The following C12orf42 variants were observed in gnomAD, a reference collection of about 807,000 sequenced individuals.
C12orf42 encodes uncharacterized protein C12orf42.
A neutral mutation model predicts 21.6 loss-of-function variants in C12orf42; 25 were observed. That is an observed-to-expected ratio of 1.16 (90% confidence interval 0.84 to 1.62). The LOEUF (loss-of-function observed/expected upper bound fraction) is 1.62. Among genes scored for constraint, C12orf42 ranks in the 40% most tolerant of loss-of-function variants. The pLI is 0.00. For missense variants in C12orf42, 483 were observed against 459.3 expected (o/e 1.05, Z -0.47); for synonymous variants, 174 against 175.0 (o/e 0.99, Z 0.05).
chr12:103,220,592 G>A, the C12orf42 span, among the ~76,000 whole-genome samples: 2 of 152,190 alleles, frequency 1.3e-5, no homozygotes, highest in Non-Finnish European at 2.9e-5. Context: ...CAAAATGCCA[G>A]TTATCCTAAA....
At chr12:103,381,325 T>C (rs1374280294) in intron 3 of C12orf42, among the ~76,000 whole-genome samples, 1 of 152,200 alleles carries the variant, frequency 6.6e-6, no homozygotes, top group Non-Finnish European at 1.5e-5. Flanking sequence ...ATTGACAGGT[T>C]AATGCAATTG....
chr12:103,469,598 G>A (rs1019127733), intron 2 of C12orf42, among the ~76,000 whole-genome samples: 1 of 152,094 alleles, frequency 6.6e-6, no homozygotes, highest in African/African-American at 2.4e-5. Context: ...TTCCATTATT[G>A]CATAACTATA....
the C12orf42 span, among the ~76,000 whole-genome samples, chr12:103,518,708 C>T: frequency 6.6e-6 from 1 of 152,010 alleles, no homozygotes; most frequent in African/African-American, 2.4e-5. Flanking sequence ...TGACAAAAAC[C>T]CTCTATGAAT....
At chr12:103,293,023 A>G (rs2036922893) in intron 4 of C12orf42, among the ~76,000 whole-genome samples, 1 of 152,108 alleles carries the variant, frequency 6.6e-6, no homozygotes, top group South Asian at 2.1e-4. Context: ...TCAATGAAAA[A>G]TTGATTCATT....
chr12:103,164,632 T>C, the C12orf42 span: 2 of 434,512 alleles, frequency 4.6e-6, no homozygotes, highest in East Asian at 1.4e-4. Flanking sequence ...CTTATACTAA[T>C]ATTTTTAAGT....
the C12orf42 span, among the ~76,000 whole-genome samples, chr12:103,130,064 A>G: frequency 6.6e-6 from 1 of 152,032 alleles, no homozygotes; most frequent in East Asian, 1.9e-4. Context: ...GTTCATTTCC[A>G]GAAATATGTT....
At chr12:103,403,362 C>T (rs1486744087) in intron 2 of C12orf42, among the ~76,000 whole-genome samples, 10 of 143,522 alleles carry the variant, frequency 7.0e-5, no homozygotes, top group Admixed American at 4.3e-4. Flanking sequence ...GGCAACAGAG[C>T]GAGACTCCGT....
At chr12:103,232,302 A>G in the C12orf42 span, among the ~76,000 whole-genome samples, 1 of 152,042 alleles carries the variant, frequency 6.6e-6, no homozygotes, top group South Asian at 2.1e-4. Context: ...GAATTTTTTT[A>G]TATTAATCAA....
chr12:103,548,021 A>G, the C12orf42 span: 2 of 152,242 alleles, frequency 1.3e-5, no homozygotes, highest in South Asian at 2.1e-4. Flanking sequence ...TTGTTCAAAC[A>G]GTTTATATGT....
At chr12:103,136,526 A>G in the C12orf42 span, among the ~76,000 whole-genome samples, 3 of 152,212 alleles carry the variant, frequency 2.0e-5, no homozygotes, top group African/African-American at 7.2e-5. Flanking sequence ...ACAGAAATAG[A>G]AAAACAGTCC....
At chr12:103,470,757 T>C (rs1449719864) in intron 2 of C12orf42, among the ~76,000 whole-genome samples, 1 of 152,204 alleles carries the variant, frequency 6.6e-6, no homozygotes. Flanking sequence ...GAGGCCATTA[T>C]GAGGAAGTTC....
the C12orf42 span, chr12:103,159,533 T>C: frequency 1.3e-5 from 2 of 152,218 alleles, no homozygotes; most frequent in Non-Finnish European, 2.9e-5. Flanking sequence ...CCTGAATCCA[T>C]AGACTACTTG....
At chr12:103,428,540 A>G (rs900047204) in intron 2 of C12orf42, among the ~76,000 whole-genome samples, 2 of 152,210 alleles carry the variant, frequency 1.3e-5, no homozygotes, top group African/African-American at 2.4e-5. Context: ...TACAAGAGGT[A>G]CAAGGAGGAG....
chr12:103,561,352 TAACA>T, the C12orf42 span, among the ~76,000 whole-genome samples: 1 of 152,178 alleles, frequency 6.6e-6, no homozygotes, highest in African/African-American at 2.4e-5. Flanking sequence ...GTAGCTTAAA[TAACA>T]AACATTCCTT....
At chr12:103,526,702 T>C in the C12orf42 span, among the ~76,000 whole-genome samples, 7 of 152,136 alleles carry the variant, frequency 4.6e-5, no homozygotes, top group African/African-American at 1.7e-4. Flanking sequence ...TCCCTCTCCA[T>C]GTGCACAGAA....
the C12orf42 span, among the ~76,000 whole-genome samples, chr12:103,099,827 G>A: frequency 2.0e-5 from 3 of 151,410 alleles, no homozygotes; most frequent in Non-Finnish European, 3.0e-5. Context: ...ACGTTTTATA[G>A]ACAACTTTCA....
intron 1 of C12orf42, among the ~76,000 whole-genome samples, chr12:103,492,437 C>A (rs1955244219): frequency 6.6e-6 from 1 of 152,214 alleles, no homozygotes; most frequent in Admixed American, 6.5e-5. Flanking sequence ...AGTCACATGG[C>A]ATATCTTCTT....
At chr12:103,445,300 T>C (rs910466826) in intron 2 of C12orf42, among the ~76,000 whole-genome samples, 3 of 152,108 alleles carry the variant, frequency 2.0e-5, no homozygotes, top group African/African-American at 7.2e-5. Flanking sequence ...TCTGTGTTGA[T>C]TGTTGTGGTG....
intron 5 of C12orf42, chr12:103,270,345 T>G (rs1466952058): frequency 4.4e-4 from 40 of 90,830 alleles, no homozygotes; most frequent in Admixed American, 8.0e-4. Flanking sequence ...GGGAAGGAAG[T>G]AAGGAGGGAA....
Sources: allele counts gnomAD v4.1 joint callset (sites outside exome capture counted in the v4.1 genomes callset), GRCh38; gene constraint gnomAD v4.1.1; transcripts MANE v1.5; gene names NCBI Gene and HGNC (gene_info 2026-07-23, HGNC 2026-07-21).